Variants in GRHL3 observed in about 807,000 individuals in gnomAD.
GRHL3 encodes grainyhead like transcription factor 3.
In GRHL3, 20 loss-of-function variants were observed where a neutral mutation model predicts 70.3. The ratio of observed to expected loss-of-function variants is 0.28; its 90% CI spans 0.20 to 0.41. The LOEUF (loss-of-function observed/expected upper bound fraction) is 0.41, where lower values mean the gene tolerates loss of function less well. GRHL3 is among the 10% of genes least tolerant of loss of function. The pLI is 1.00. For missense variants in GRHL3, 637 were observed against 762.3 expected (o/e 0.84, Z 1.94); for synonymous variants, 299 against 299.9 (o/e 1.00, Z 0.03).
chr1:24,357,784 A>G (rs1442675688), downstream of GRHL3: 1 of 197,464 alleles, frequency 5.1e-6, no homozygotes, highest in Non-Finnish European at 1.1e-5. Flanking sequence ...GACGAAAGCT[A>G]TCAGGCCTAG....
intron 15 of GRHL3, among the ~76,000 whole-genome samples, chr1:24,363,181 C>T (rs1042077132): frequency 1.3e-5 from 2 of 152,206 alleles, no homozygotes; most frequent in African/African-American, 2.4e-5. Flanking sequence ...CCAAGGACAG[C>T]CTGCAGAAGG....
intron 14 of GRHL3, among the ~76,000 whole-genome samples, chr1:24,347,897 GCT>G (rs1389394336): frequency 6.6e-6 from 1 of 152,120 alleles, no homozygotes; most frequent in African/African-American, 2.4e-5. Flanking sequence ...CCCCAGAGAC[GCT>G]CTCTTTTTCT....
Position 24,342,001 on chromosome 1 carries a change from A to G in GRHL3, c.1048-114A>G. 1.1e-6 allele frequency: 1 copy of G among 940,114 alleles called. No homozygotes were observed. The highest frequency in any genetic ancestry group is 1.6e-6 in the Non-Finnish European group (1 of 644,948). 58.2% of individuals were successfully genotyped at this position (940,114 alleles called of 1,614,324 possible). On this transcript the variant is annotated intron_variant, in intron 8 of 15. Transcript: ENST00000361548. This position sits in a 1 kb window ranked among gnomAD's most constrained non-coding sequence, Gnocchi z 4.8. Reference sequence around the variant, plus strand: ...ATGTTTGCCTTCTAGGGGCCTAGTGAGGCTTAAGGGTGAGCAGCAGGCACA... The same window carrying G: ...ATGTTTGCCTTCTAGGGGCCTAGTGGGGCTTAAGGGTGAGCAGCAGGCACA...
At chr1:24,356,947 G>C (rs1366051266), downstream of GRHL3, 1 of 152,118 alleles carries the variant, frequency 6.6e-6, no homozygotes, top group Non-Finnish European at 1.5e-5. Flanking sequence ...TCAAGGCTAT[G>C]GGCAGGTGAG....
intron 14 of GRHL3, 73 bp from the exon 15 acceptor site, chr1:24,349,985 A>G: frequency 8.6e-7 from 1 of 1,160,946 alleles, no homozygotes; most frequent in Non-Finnish European, 1.3e-6. Flanking sequence ...AAGTAAAAAA[A>G]GTGATGGCAT....
intron 1 of GRHL3, among the ~76,000 whole-genome samples, chr1:24,330,260 C>T (rs1341039923): frequency 6.6e-6 from 1 of 152,156 alleles, no homozygotes; most frequent in African/African-American, 2.4e-5. Context: ...CTGAAGTATA[C>T]ACTACATTGT....
chr1:24,347,439 T>G, intron 13 of GRHL3, 29 bp from the exon 14 acceptor site: 2 of 1,576,584 alleles, frequency 1.3e-6, no homozygotes, highest in South Asian at 2.2e-5. Context: ...ATTATCTTCC[T>G]TGCACTCAAG....
chr1:24,329,555 G>C (rs541345600), intron 1 of GRHL3, among the ~76,000 whole-genome samples: 25 of 152,358 alleles, frequency 1.6e-4, no homozygotes, highest in Non-Finnish European at 3.5e-4. Context: ...TCACGGACCA[G>C]CTGGATGATC....
intron 15 of GRHL3, among the ~76,000 whole-genome samples, chr1:24,362,436 G>T (rs1641182829): frequency 6.6e-6 from 1 of 152,194 alleles, no homozygotes; most frequent in Non-Finnish European, 1.5e-5. Flanking sequence ...TTCTAGTCAT[G>T]CCACTTACTG....
At chr1:24,347,159 CAAT>C (rs1640319665) in intron 13 of GRHL3, among the ~76,000 whole-genome samples, 1 of 152,194 alleles carries the variant, frequency 6.6e-6, no homozygotes, top group African/African-American at 2.4e-5. Context: ...TCAATTCCCA[CAAT>C]GACTCTACGA....
chr1:24,332,430 A>T (rs1639646683), intron 2 of GRHL3, among the ~76,000 whole-genome samples: 1 of 152,306 alleles, frequency 6.6e-6, no homozygotes, highest in African/African-American at 2.4e-5. Flanking sequence ...CCAGTCAGGA[A>T]TCACGAGGGT....
intron 7 of GRHL3, 126 bp from the exon 8 acceptor site, chr1:24,339,542 G>T: frequency 1.7e-6 from 1 of 595,896 alleles, no homozygotes; most frequent in East Asian, 2.8e-5. Context: ...GCCTCCCAAA[G>T]TGCTGGGATT....
intron 15 of GRHL3, among the ~76,000 whole-genome samples, chr1:24,351,671 T>C: frequency 2.1e-4 from 1 of 4,740 alleles, no homozygotes; most frequent in Non-Finnish European, 3.9e-4. Flanking sequence ...CATGGGGGGG[T>C]GGGAGGGTGG....
In GRHL3 at chr1:24,342,383, C is replaced by T. The variant is rs1640078586; in HGVS notation, c.1206+110C>T. On this transcript the variant is annotated intron_variant, in intron 9 of 15. Transcript: ENST00000361548. The surrounding 1 kb of genome is among the most constrained non-coding windows in gnomAD (Gnocchi z 4.8). ...GGGTTGTCTGTCTCTCTCTGTTTTT[C>T]TATCCCTTCTCCTCCTTCCCCTCTC... 1 of 914,524 alleles carries T rather than the reference C, an allele frequency of 1.1e-6. No individual in the cohort carries two copies. Among genetic ancestry groups the T allele is most frequent in the Admixed American group, 2.5e-5 (1 of 39,416 alleles). The allele number at this position is 914,524 out of a possible 1,614,324, so 56.7% of individuals were successfully genotyped here.
intron 14 of GRHL3, among the ~76,000 whole-genome samples, chr1:24,348,139 G>A (rs549096039): frequency 9.9e-5 from 15 of 152,162 alleles, no homozygotes; most frequent in Non-Finnish European, 1.5e-4. Flanking sequence ...GGAACCACTC[G>A]GAAAAGCCAG....
intron 12 of GRHL3, among the ~76,000 whole-genome samples, chr1:24,345,156 GC>G (rs376608660): frequency 6.5e-5 from 2 of 30,940 alleles, no homozygotes; most frequent in African/African-American, 1.1e-4. Flanking sequence ...CTACACCTGT[GC>G]CCCCTCCACA....
rs780285232 is a variant in GRHL3 at position 24,336,776 on chromosome 1, G to A, written c.561G>A (p.Pro187=). ...TGTTTGAGAGCATTCATGGGGTGCC[G>A]CCCACACAGCGCTGGCAGCCAGACA... ...NSLFESIHGV[P]PTQRWQPDST... is the part of the protein sequence containing the mutation. The change falls in exon 4 of 16, where the codon CCG becomes CCA. Residue 187 remains proline (P), a synonymous_variant. Coordinates refer to ENST00000361548, the MANE Select transcript of GRHL3 (RefSeq NM_198173.3). The A allele has an allele frequency of 2.0e-5, 32 of 1,612,716 alleles. No individual in the cohort carries two copies. The Middle Eastern group carries it at 5.0e-4, about 25-fold the overall frequency.
rs1640086923 is a variant in GRHL3 at position 24,342,601 on chromosome 1, A to G, written c.1207-93A>G. The G allele has an allele frequency of 1.7e-5, 20 of 1,163,150 alleles. No individual in the cohort carries two copies. The highest frequency in any genetic ancestry group is 1.5e-4 in the South Asian group (12 of 80,358). 72.1% of individuals were successfully genotyped at this position (1,163,150 alleles called of 1,614,324 possible). A position where few individuals can be genotyped will look rare whatever the true frequency, so the allele number is the denominator to read the frequency against. The stretch of plus-strand genomic sequence containing the variant: ...TGTTCTGGAAAAAAGAAGGACCAGA[A>G]GCTTGGCCCATATTTAAGATGCAAA... On this transcript the variant is annotated intron_variant, in intron 9 of 15. Coordinates refer to ENST00000361548, the MANE Select transcript of GRHL3 (RefSeq NM_198173.3). This position sits in a 1 kb window ranked among gnomAD's most constrained non-coding sequence, Gnocchi z 4.8.
Position 24,322,926 on chromosome 1 carries a change from C to T in GRHL3, c.17+3358C>T, listed in dbSNP as rs1324663. 72,476 of 624,322 alleles carry T rather than the reference C, an allele frequency of 0.12. 4,821 individuals are homozygous for T. Among genetic ancestry groups the T allele is most frequent in the African/African-American group, 0.22 (12,090 of 54,264 alleles). 38.7% of individuals were successfully genotyped at this position (624,322 alleles called of 1,614,324 possible). ...GTTTTGCCGAAGAGGGGACCCAGAC[C>T]TGGTTCAGGCTTGCCCAAGGTCTCA... On this transcript the variant is annotated intron_variant, in intron 1 of 15. Transcript: ENST00000361548. This position sits in a 1 kb window ranked among gnomAD's most constrained non-coding sequence, Gnocchi z 4.4.
Sources: gnomAD v4.1 joint callset for allele counts (sites outside exome capture counted in the v4.1 genomes callset) on GRCh38, gnomAD v4.1.1 for gene constraint, Gnocchi (gnomAD v3.1) non-coding constraint, MANE v1.5 for transcripts, NCBI Gene and HGNC (gene_info 2026-07-23, HGNC 2026-07-21) for gene names.